The following JAK1 variants were observed in gnomAD, a reference collection of about 807,000 sequenced individuals.
The protein encoded by JAK1 is Janus kinase 1.
In JAK1, 16 loss-of-function variants were observed where a neutral mutation model predicts 136.6. The observed-to-expected ratio is 0.12, with a 90% CI of 0.08 to 0.18. The LOEUF is 0.18. JAK1 is among the 10% of genes least tolerant of loss of function. The probability of loss-of-function intolerance (pLI) is 1.00; values close to 1 mark genes in which losing one functional copy is unlikely to be tolerated. For synonymous variants in JAK1, 492 were observed against 519.5 expected, an observed-to-expected ratio of 0.95 and a Z score of 0.72; for missense variants, 859 against 1,450.1, an observed-to-expected ratio of 0.59 and a Z score of 6.62.
chr1:65,047,739 C>T (rs1471600173), intron 1 of JAK1, among the ~76,000 whole-genome samples: 1 of 151,620 alleles, frequency 6.6e-6, no homozygotes, highest in Non-Finnish European at 1.5e-5. Flanking sequence ...AAAAGTCATA[C>T]AGATCGCACA....
At chr1:65,049,351 G>GT (rs1421289493) in intron 1 of JAK1, among the ~76,000 whole-genome samples, 1 of 152,170 alleles carries the variant, frequency 6.6e-6, no homozygotes, top group Non-Finnish European at 1.5e-5. Context: ...GAGCCCAGAA[G>GT]TTTGAGGCTG....
chr1:64,931,441 C>T (rs1381323268), intron 1 of JAK1, among the ~76,000 whole-genome samples: 1 of 152,006 alleles, frequency 6.6e-6, no homozygotes, highest in African/African-American at 2.4e-5. Flanking sequence ...TGTCACTCAT[C>T]CAAGTCCCCA....
intron 3 of JAK1, among the ~76,000 whole-genome samples, chr1:64,881,686 A>G (rs962131791): frequency 6.6e-6 from 1 of 152,096 alleles, no homozygotes; most frequent in African/African-American, 2.4e-5. Flanking sequence ...GACACCCCAA[A>G]CTGGCTGACC....
chr1:64,879,735 T>C (rs1644740305), intron 3 of JAK1, among the ~76,000 whole-genome samples: 1 of 152,212 alleles, frequency 6.6e-6, no homozygotes. Context: ...AAGTACTCTG[T>C]ATGATTATCA....
intron 1 of JAK1, among the ~76,000 whole-genome samples, chr1:64,891,753 G>A (rs918086419): frequency 3.3e-5 from 5 of 152,186 alleles, no homozygotes; most frequent in Admixed American, 6.5e-5. Context: ...CCAAAAGGAC[G>A]ACATCATATA....
Position 64,850,919 on chromosome 1 carries a change from G to A in JAK1, c.1649-9C>T, listed in dbSNP as rs1164871959. The A allele has an allele frequency of 6.3e-7, 1 of 1,576,278 alleles. No homozygotes were observed. The highest frequency in any genetic ancestry group is 1.7e-5 in the Admixed American group (1 of 59,934). On this transcript the variant is annotated splice_polypyrimidine_tract_variant and intron_variant, in intron 11 of 24. Transcript: ENST00000342505. ...CAGCAGGTTGGAGATTTCTGTGGAA[G>A]AGATTGGGGGAGTCTGAGCACAGCA...
intron 2 of JAK1, chr1:64,992,237 G>A (rs1474213179): frequency 2.6e-5 from 4 of 152,056 alleles, no homozygotes; most frequent in African/African-American, 9.7e-5. Context: ...AGAATTAGCT[G>A]GACATGGTGG....
chr1:64,855,252 C>T (rs1183514174), intron 11 of JAK1, among the ~76,000 whole-genome samples: 1 of 152,218 alleles, frequency 6.6e-6, no homozygotes, highest in Admixed American at 6.5e-5. Context: ...TGATTTTCTG[C>T]TTACTAATGC....
chr1:64,869,528 G>A (rs2101133153), intron 5 of JAK1, 54 bp from the exon 6 acceptor site: 1 of 1,502,494 alleles, frequency 6.7e-7, no homozygotes, highest in Non-Finnish European at 9.2e-7. Flanking sequence ...ATCTTGACAA[G>A]AAGGCTACTA....
Position 64,848,048 on chromosome 1 carries a change from C to T in JAK1, c.1756-373G>A, listed in dbSNP as rs566697293. The T allele has an allele frequency of 6.8e-5, 13 of 190,160 alleles. No homozygotes were observed. In the East Asian group the frequency reaches 1.8e-3, roughly 26 times the overall value. 11.8% of individuals were successfully genotyped at this position (190,160 alleles called of 1,614,324 possible). A position where few individuals can be genotyped will look rare whatever the true frequency, so the allele number is the denominator to read the frequency against. ...CCAGAGAAGACTCAAGAGAGGAGCC[C>T]CCAGGCAGCTCCTCTACTCACAGGC... On this transcript the variant is annotated intron_variant, in intron 12 of 24. Coordinates refer to ENST00000342505, the MANE Select transcript of JAK1 (RefSeq NM_002227.4).
At chr1:64,898,218 TG>T (rs1171295099) in intron 1 of JAK1, among the ~76,000 whole-genome samples, 1 of 152,220 alleles carries the variant, frequency 6.6e-6, no homozygotes, top group Admixed American at 6.5e-5. Flanking sequence ...CTAATAGCAC[TG>T]GGAGAGTCAA....
In JAK1 at chr1:64,951,522, G is replaced by C. The variant is rs183504649; in HGVS notation, c.-78+14811C>G. ...ACAGTGAGGACAATTAACCAAGGAA[G>C]TGCAATAATGTATACATTCCAGAAT... is the stretch of plus-strand genomic sequence containing the variant. On this transcript the variant is annotated intron_variant, in intron 1 of 24. Transcript: ENST00000342505. 2.4e-3 allele frequency among the ~76,000 whole-genome samples: 363 copies of C among 152,290 alleles called. 2 individuals carry two copies. Among genetic ancestry groups the C allele is most frequent in the African/African-American group, 8.4e-3 (349 of 41,554 alleles).
intron 2 of JAK1, among the ~76,000 whole-genome samples, chr1:64,982,866 T>G (rs192202271): frequency 8.5e-4 from 130 of 152,232 alleles, no homozygotes; most frequent in South Asian, 2.5e-3. Context: ...ATATTCACAG[T>G]CTGGTCAGTG....
At position 64,867,224 on chromosome 1, in the gene JAK1, A is replaced by G; in HGVS notation, c.648-16T>C. The stretch of plus-strand genomic sequence containing the variant: ...TCGCTTGTAGCTAAAAGACAGTAGA[A>G]AAGTACATCTCCTTTTCATGTACAG... On this transcript the variant is annotated splice_polypyrimidine_tract_variant and intron_variant, in intron 6 of 24. Transcript: ENST00000342505. 6.5e-7 allele frequency: 1 copy of G among 1,543,302 alleles called. No homozygotes were observed. Among genetic ancestry groups the G allele is most frequent in the Non-Finnish European group, 8.8e-7 (1 of 1,131,036 alleles).
chr1:64,981,288 A>G (rs986249457), intron 2 of JAK1, among the ~76,000 whole-genome samples: 3 of 152,218 alleles, frequency 2.0e-5, no homozygotes, highest in Non-Finnish European at 4.4e-5. Context: ...TATTGCCTAC[A>G]TCATTCCTTG....
intron 1 of JAK1, among the ~76,000 whole-genome samples, chr1:64,946,939 G>T (rs754728506): frequency 6.6e-6 from 1 of 152,146 alleles, no homozygotes; most frequent in East Asian, 1.9e-4. Context: ...AGGACATTAT[G>T]CTAAGTGAAA....
chr1:64,971,813 C>T (rs1646455035), intron 2 of JAK1, among the ~76,000 whole-genome samples: 1 of 152,164 alleles, frequency 6.6e-6, no homozygotes, highest in African/African-American at 2.4e-5. Context: ...CCCACCTCGG[C>T]CTTCCAAAGT....
chr1:65,022,122 A>G (rs772386381), intron 2 of JAK1, among the ~76,000 whole-genome samples: 10 of 152,228 alleles, frequency 6.6e-5, no homozygotes, highest in African/African-American at 2.2e-4. Context: ...CCAAGCTACA[A>G]GAGTAATGTT....
chr1:64,895,961 C>T (rs1309627162), intron 1 of JAK1, among the ~76,000 whole-genome samples: 3 of 152,170 alleles, frequency 2.0e-5, no homozygotes, highest in Non-Finnish European at 2.9e-5. Context: ...CAACGGTTAT[C>T]GTAAATGAAG....
Sources: allele counts gnomAD v4.1 joint callset (sites outside exome capture counted in the v4.1 genomes callset), GRCh38; gene constraint gnomAD v4.1.1; transcripts MANE v1.5; gene names NCBI Gene and HGNC (gene_info 2026-07-23, HGNC 2026-07-21).